GPM6B: variants seen among roughly 807,000 people sequenced by gnomAD.
GPM6B encodes the protein neuronal membrane glycoprotein M6-b.
A neutral mutation model predicts 27.2 loss-of-function variants in GPM6B; 4 were observed. The ratio of observed to expected loss-of-function variants is 0.15; its 90% CI spans 0.07 to 0.34. The LOEUF is 0.34. Ranked by LOEUF, GPM6B falls within the 10% of genes least tolerant of loss-of-function variation. The pLI, the probability that GPM6B is intolerant of heterozygous loss-of-function variation, is 1.00. For synonymous variants in GPM6B, 124 were observed against 103.1 expected (o/e 1.20, Z -1.23); for missense variants, 183 against 261.9 (o/e 0.70, Z 2.08).
rs767831012 is a variant in GPM6B at position 13,788,983 on chromosome X, T to C, written c.182-3175A>G. Among the ~76,000 whole-genome samples, 4 of 111,746 alleles carry C rather than the reference T, an allele frequency of 3.6e-5. No individual in the cohort carries two copies. The South Asian group carries it at 1.5e-3, about 42-fold the overall frequency. On this transcript the variant is annotated intron_variant, in intron 2 of 7. Transcript: ENST00000316715. The stretch of plus-strand genomic sequence containing the variant: ...ATGCTCTTAGGTTTTCAGCAGATGA[T>C]TTTATTTGTGGCTGTAGGAACCCTG...
At chrX:13,821,411 G>A (rs184951554), upstream of GPM6B, among the ~76,000 whole-genome samples, 1 of 111,904 alleles carries the variant, frequency 8.9e-6, no homozygotes, top group African/African-American at 3.2e-5. Context: ...GTGTGTCTGG[G>A]ATTCAAATCA....
chrX:13,938,257 G>T, intron 1 of GPM6B: 1 of 260,687 alleles, frequency 3.8e-6, no homozygotes, highest in Non-Finnish European at 6.8e-6. Flanking sequence ...AGCCGCACGT[G>T]CGGGGGTGCA....
At chrX:13,869,022 G>C (rs984269068) in intron 1 of GPM6B, among the ~76,000 whole-genome samples, 1 of 112,076 alleles carries the variant, frequency 8.9e-6, no homozygotes, top group African/African-American at 3.2e-5. Flanking sequence ...TGGAAGGGCA[G>C]TCTACCCTAG....
intron 1 of GPM6B, among the ~76,000 whole-genome samples, chrX:13,859,865 T>C (rs2049823425): frequency 9.0e-6 from 1 of 111,583 alleles, no homozygotes; most frequent in South Asian, 3.7e-4. Flanking sequence ...ACCCACAGAG[T>C]ATTCAATAGT....
intron 1 of GPM6B, among the ~76,000 whole-genome samples, chrX:13,877,870 CCTTT>C (rs1237949359): frequency 2.0e-5 from 2 of 100,643 alleles, no homozygotes; most frequent in Non-Finnish European, 4.0e-5. Context: ...ATTTGCTTCG[CCTTT>C]TTTTTCCCCT....
At chrX:13,908,049 T>C in intron 1 of GPM6B, among the ~76,000 whole-genome samples, 1 of 112,248 alleles carries the variant, frequency 8.9e-6, no homozygotes, top group Middle Eastern at 4.6e-3. Flanking sequence ...ATCTCACTCT[T>C]ATATTGTGAT....
At chrX:13,804,331 T>G (rs764896931) in intron 2 of GPM6B, among the ~76,000 whole-genome samples, 3 of 104,480 alleles carry the variant, frequency 2.9e-5, no homozygotes, top group Non-Finnish European at 5.8e-5. Flanking sequence ...ACTGGAGACT[T>G]AGCATGAACT....
chrX:13,850,060 A>T (rs2049697531), intron 1 of GPM6B, among the ~76,000 whole-genome samples: 1 of 111,832 alleles, frequency 8.9e-6, no homozygotes, highest in Admixed American at 9.5e-5. Flanking sequence ...CTCTGTCTCA[A>T]AAAATAATAA....
intron 5 of GPM6B, among the ~76,000 whole-genome samples, chrX:13,779,474 T>C (rs2048474988): frequency 8.9e-6 from 1 of 112,177 alleles, no homozygotes; most frequent in Non-Finnish European, 1.9e-5. Flanking sequence ...TTGGATGTTA[T>C]AAAACTGAAA....
At chrX:13,807,322 T>C (rs914942546) in intron 2 of GPM6B, among the ~76,000 whole-genome samples, 2 of 111,712 alleles carry the variant, frequency 1.8e-5, no homozygotes, top group African/African-American at 6.5e-5. Flanking sequence ...TCCCCCATTA[T>C]TGGTTCAGGC....
intron 4 of GPM6B, among the ~76,000 whole-genome samples, chrX:13,780,248 T>C (rs2048491713): frequency 9.0e-6 from 1 of 111,244 alleles, no homozygotes; most frequent in African/African-American, 3.3e-5. Flanking sequence ...CACTCTTAAC[T>C]AACAAGGACA....
Position 13,850,711 on chromosome X carries a change from T to C in GPM6B, c.-197-64903A>G, listed in dbSNP as rs148048285. On this transcript the variant is annotated intron_variant, in intron 1 of 6. Transcript: ENST00000398361. ...TGAAAAAATGAGAATACTAAATATC[T>C]TTCACAAAGTCAATGGAAGACGTCA... Among the ~76,000 whole-genome samples, 676 of 112,287 alleles carry C rather than the reference T, an allele frequency of 6.0e-3. 4 individuals are homozygous for C. The highest frequency in any genetic ancestry group is 0.02 in the African/African-American group (621 of 30,961).
chrX:13,819,125 C>T (rs753440021), upstream of GPM6B, among the ~76,000 whole-genome samples: 2 of 112,221 alleles, frequency 1.8e-5, no homozygotes. Flanking sequence ...ATTCACACAT[C>T]CTCCAGTTGA....
chrX:13,908,991 CCTTTAAAGCATTTTTAG>C (rs1454844064), intron 1 of GPM6B, among the ~76,000 whole-genome samples: 2 of 111,639 alleles, frequency 1.8e-5, no homozygotes, highest in African/African-American at 6.5e-5. Context: ...ACATTTTTAA[CCTTTAAAGCATTTTTAG>C]ATTTACAGAA....
At chrX:13,910,828 T>C (rs771969886) in intron 1 of GPM6B, among the ~76,000 whole-genome samples, 1 of 112,770 alleles carries the variant, frequency 8.9e-6, no homozygotes, top group African/African-American at 3.2e-5. Context: ...GAAGCTACCA[T>C]GTGGCACATT....
intron 4 of GPM6B, among the ~76,000 whole-genome samples, chrX:13,782,266 A>T (rs765623102): frequency 8.4e-4 from 94 of 111,858 alleles, no homozygotes; most frequent in Non-Finnish European, 1.4e-3. Flanking sequence ...AAAGCGGGCC[A>T]TGCTAGGTGG....
chrX:13,772,840 CAG>C lies in GPM6B; in HGVS notation c.*39_*40del. On this transcript the variant is annotated 3_prime_UTR_variant, in exon 8 of 8. Coordinates refer to ENST00000316715, the MANE Select transcript of GPM6B (RefSeq NM_001001995.3). ...GCAGAGCAGCTGTCTGATGATTTGT[CAG>C]AGCTGTAAATACGTCGGCCGAAACA... 2.5e-6 allele frequency: 3 copies of C among 1,182,773 alleles called. No homozygotes were observed. Among genetic ancestry groups the C allele is most frequent in the Non-Finnish European group, 3.4e-6 (3 of 874,038 alleles).
intron 1 of GPM6B, among the ~76,000 whole-genome samples, chrX:13,930,593 A>G (rs748357342): frequency 5.5e-5 from 6 of 108,472 alleles, no homozygotes; most frequent in Non-Finnish European, 7.7e-5. Context: ...CAGCCTGGGT[A>G]ACAGAGCGAG....
chrX:13,788,704 C>A (rs374800210), intron 2 of GPM6B, among the ~76,000 whole-genome samples: 1 of 109,977 alleles, frequency 9.1e-6, no homozygotes, highest in East Asian at 2.8e-4. Flanking sequence ...GTCTTTCATC[C>A]AAATGGTTAG....
Sources: gnomAD v4.1 joint callset for allele counts (sites outside exome capture counted in the v4.1 genomes callset) on GRCh38, gnomAD v4.1.1 for gene constraint, MANE v1.5 for transcripts, NCBI Gene and HGNC (gene_info 2026-07-23, HGNC 2026-07-21) for gene names.